Variants in ELF1 observed in about 807,000 individuals in gnomAD.
ELF1 encodes E74 like ETS transcription factor 1, also known as ETS-related transcription factor Elf-1.
A neutral mutation model predicts 59.9 loss-of-function variants in ELF1; 24 were observed. The ratio of observed to expected loss-of-function variants is 0.40; its 90% CI spans 0.29 to 0.56. The LOEUF is 0.56. ELF1 is among the 20% of genes least tolerant of loss of function. The pLI is 0.44. For missense variants in ELF1, 627 were observed against 742.2 expected (o/e 0.84, Z 1.80); for synonymous variants, 248 against 266.2 (o/e 0.93, Z 0.67).
chr13:40,964,341 A>C (rs1021761498), intron 2 of ELF1, among the ~76,000 whole-genome samples: 1 of 152,144 alleles, frequency 6.6e-6, no homozygotes, highest in Admixed American at 6.5e-5. Context: ...GCAGAAATTT[A>C]TTTTCTCACA....
At chr13:41,059,059 C>T (rs1877393713) in intron 1 of ELF1, among the ~76,000 whole-genome samples, 1 of 152,240 alleles carries the variant, frequency 6.6e-6, no homozygotes, top group African/African-American at 2.4e-5. Context: ...TTCCTTCTTT[C>T]CAAATTTTCA....
intron 5 of ELF1, among the ~76,000 whole-genome samples, chr13:40,945,738 C>T (rs1016873027): frequency 6.6e-6 from 1 of 152,150 alleles, no homozygotes; most frequent in Non-Finnish European, 1.5e-5. Context: ...ATGTCTGTAA[C>T]TGTTTCATAT....
chr13:40,952,617 A>G (rs1481671961), intron 3 of ELF1, among the ~76,000 whole-genome samples: 1 of 152,116 alleles, frequency 6.6e-6, no homozygotes, highest in Non-Finnish European at 1.5e-5. Context: ...CCAGGCCTTG[A>G]ATTCCTGGGC....
At chr13:41,053,100 T>A (rs1877148381) in intron 1 of ELF1, among the ~76,000 whole-genome samples, 1 of 152,210 alleles carries the variant, frequency 6.6e-6, no homozygotes, top group Non-Finnish European at 1.5e-5. Context: ...ACGCCTGTAA[T>A]CTCAGCACTT....
chr13:41,019,070 T>C lies in ELF1; in HGVS notation c.-229+158A>G, dbSNP rs539546130. On this transcript the variant is annotated intron_variant, in intron 1 of 8. Transcript: ENST00000239882. ...AGAATTTCAGTGCTTTGTTTCCCCC[T>C]AGCAATTAAGTTCAATCAGGCATGT... is the stretch of plus-strand genomic sequence containing the variant. Among the ~76,000 whole-genome samples, 107 of 152,298 alleles carry C rather than the reference T, an allele frequency of 7.0e-4. 1 individual carries two copies. In the South Asian group the frequency reaches 0.021, roughly 29 times the overall value.
chr13:41,025,007 A>C (rs1198517070), intron 1 of ELF1, among the ~76,000 whole-genome samples: 1 of 152,182 alleles, frequency 6.6e-6, no homozygotes, highest in Non-Finnish European at 1.5e-5. Context: ...CTGAGAGTGA[A>C]ATGATTATCA....
chr13:40,989,814 T>C (rs1873746720), intron 1 of ELF1, among the ~76,000 whole-genome samples: 1 of 152,102 alleles, frequency 6.6e-6, no homozygotes, highest in Non-Finnish European at 1.5e-5. Flanking sequence ...ATAGGTAAAA[T>C]GATAAAACTG....
intron 1 of ELF1, chr13:40,982,973 A>T: frequency 1.7e-6 from 1 of 581,420 alleles, no homozygotes; most frequent in Non-Finnish European, 2.2e-6. Flanking sequence ...GTCATGGCAA[A>T]TTAGAACATG....
At chr13:41,035,745 A>G (rs909164634) in intron 1 of ELF1, among the ~76,000 whole-genome samples, 4 of 151,042 alleles carry the variant, frequency 2.6e-5, no homozygotes, top group African/African-American at 9.7e-5. Context: ...AAAAAAAAGG[A>G]AAACTCCCAA....
intron 1 of ELF1, among the ~76,000 whole-genome samples, chr13:41,036,527 A>G (rs1309895402): frequency 6.6e-6 from 1 of 152,218 alleles, no homozygotes; most frequent in Non-Finnish European, 1.5e-5. Context: ...TAGTTCAACC[A>G]TTGTGGAAGA....
chr13:41,053,003 A>G (rs1178061549), intron 1 of ELF1, among the ~76,000 whole-genome samples: 2 of 152,200 alleles, frequency 1.3e-5, no homozygotes. Flanking sequence ...CCGAACACTT[A>G]AAGTTTATTG....
chr13:40,979,340 T>C (rs1268296333), intron 2 of ELF1, among the ~76,000 whole-genome samples: 1 of 152,130 alleles, frequency 6.6e-6, no homozygotes, highest in East Asian at 1.9e-4. Context: ...TCCTATAACT[T>C]AGGTTCTATT....
intron 1 of ELF1, among the ~76,000 whole-genome samples, chr13:41,046,010 G>T (rs1259137025): frequency 6.6e-6 from 1 of 152,176 alleles, no homozygotes; most frequent in Non-Finnish European, 1.5e-5. Flanking sequence ...AGCTCTTCTT[G>T]TTGAATTGAT....
At chr13:41,042,086 G>A (rs1287318057) in intron 1 of ELF1, among the ~76,000 whole-genome samples, 3 of 152,054 alleles carry the variant, frequency 2.0e-5, no homozygotes, top group Non-Finnish European at 4.4e-5. Context: ...GCAGTGGCAC[G>A]ATCTAAGCTC....
At chr13:40,943,198 T>A in intron 6 of ELF1, 54 bp from the exon 7 acceptor site, 1 of 1,410,888 alleles carries the variant, frequency 7.1e-7, no homozygotes, top group Non-Finnish European at 9.4e-7. Context: ...TAAAAGAACC[T>A]CAAAAAAGAC....
intron 5 of ELF1, among the ~76,000 whole-genome samples, chr13:40,947,238 T>C (rs1870563011): frequency 6.6e-6 from 1 of 152,004 alleles, no homozygotes; most frequent in Admixed American, 6.5e-5. Context: ...ATACTACATA[T>C]TTAAGAAAAA....
intron 1 of ELF1, among the ~76,000 whole-genome samples, chr13:41,005,639 T>C (rs1874703607): frequency 6.6e-6 from 1 of 152,126 alleles, no homozygotes. Context: ...TCTCACTTCC[T>C]GTATATCCCA....
intron 5 of ELF1, among the ~76,000 whole-genome samples, chr13:40,947,645 A>G (rs914883271): frequency 3.9e-5 from 6 of 152,220 alleles, no homozygotes; most frequent in Non-Finnish European, 8.8e-5. Flanking sequence ...TGTAATAACT[A>G]TGGGGCACCA....
At chr13:40,937,716 G>A (rs573876182) in intron 8 of ELF1, among the ~76,000 whole-genome samples, 10 of 152,250 alleles carry the variant, frequency 6.6e-5, no homozygotes, top group East Asian at 3.9e-4. Context: ...TGATTCACCC[G>A]CCTCGGCCTC....
Sources: allele counts gnomAD v4.1 joint callset (sites outside exome capture counted in the v4.1 genomes callset), GRCh38; gene constraint gnomAD v4.1.1; transcripts MANE v1.5; gene names NCBI Gene and HGNC (gene_info 2026-07-23, HGNC 2026-07-21).